The following ITSN2 variants were observed in gnomAD, a reference collection of about 807,000 sequenced individuals.
The protein encoded by ITSN2 is intersectin-2.
ITSN2 carries 156 observed loss-of-function variants against 243.7 expected under a neutral mutation model. That is an observed-to-expected ratio of 0.64 (90% confidence interval 0.56 to 0.73). ITSN2 has a LOEUF of 0.73. Ranked by LOEUF, ITSN2 falls within the 30% of genes least tolerant of loss-of-function variation. The pLI, the probability that ITSN2 is intolerant of heterozygous loss-of-function variation, is 0.00. For synonymous variants in ITSN2, 703 were observed against 699.9 expected (o/e 1.00, Z -0.07); for missense variants, 1,801 against 1,996.1 (o/e 0.90, Z 1.86).
chr2:24,235,321 G>T (rs1040676311), intron 29 of ITSN2, among the ~76,000 whole-genome samples: 2 of 152,178 alleles, frequency 1.3e-5, no homozygotes, highest in Non-Finnish European at 2.9e-5. Context: ...GGTTGCCAGG[G>T]GATGGGAGGG....
intron 15 of ITSN2, among the ~76,000 whole-genome samples, chr2:24,289,351 T>C (rs1679944088): frequency 6.6e-6 from 1 of 152,228 alleles, no homozygotes; most frequent in African/African-American, 2.4e-5. Flanking sequence ...TCCTAAGTAT[T>C]TAATTATTTT....
chr2:24,204,195 A>G lies in ITSN2; in HGVS notation c.4936+50T>C. ...GAAGCCCCTAGATCTGGACTCCAGG[A>G]TCTAGGAAACTGGGAAAGCCTTTAG... On this transcript the variant is annotated intron_variant, in intron 39 of 39. Transcript: ENST00000355123. The surrounding 1 kb of genome is among the most constrained non-coding windows in gnomAD (Gnocchi z 5.1). 3.1e-6 allele frequency: 5 copies of G among 1,590,342 alleles called. No homozygotes were observed. The African/African-American group carries it at 4.0e-5, about 13-fold the overall frequency.
At chr2:24,328,156 G>C in intron 1 of ITSN2, 41 bp from the exon 2 acceptor site, 1 of 1,479,296 alleles carries the variant, frequency 6.8e-7, no homozygotes, top group Admixed American at 1.7e-5. Context: ...ATACAACAAG[G>C]GCAAATCACA....
At chr2:24,212,451 C>T (rs1669575907) in intron 33 of ITSN2, among the ~76,000 whole-genome samples, 199 bp downstream of exon 33, 1 of 152,108 alleles carries the variant, frequency 6.6e-6, no homozygotes, top group Admixed American at 6.5e-5. Flanking sequence ...TCTGATTTGC[C>T]CACTTCAAGG....
chr2:24,302,128 CTT>C (rs1200135591), intron 9 of ITSN2, 26 bp from the exon 10 acceptor site: 2 of 1,561,348 alleles, frequency 1.3e-6, no homozygotes, highest in Non-Finnish European at 1.7e-6. Context: ...AAATTCACAA[CTT>C]AATAAAGTCT....
chr2:24,221,099 C>A, intron 29 of ITSN2, 33 bp from the exon 30 acceptor site: 1 of 1,586,456 alleles, frequency 6.3e-7, no homozygotes, highest in Admixed American at 1.9e-5. Flanking sequence ...TAAAATATTA[C>A]TTTAGTCAAC....
At chr2:24,328,603 C>T (rs1685426113) in intron 1 of ITSN2, among the ~76,000 whole-genome samples, 1 of 151,988 alleles carries the variant, frequency 6.6e-6, no homozygotes, top group African/African-American at 2.4e-5. Flanking sequence ...GCTGGGACTA[C>T]AGGAATGCTC....
At chr2:24,311,921 T>C (rs1416211745) in intron 5 of ITSN2, among the ~76,000 whole-genome samples, 1 of 152,196 alleles carries the variant, frequency 6.6e-6, no homozygotes, top group East Asian at 1.9e-4. Flanking sequence ...GGATTGGCTA[T>C]ACCTAGGGAG....
At chr2:24,358,958 C>G (rs1454677511) in intron 1 of ITSN2, among the ~76,000 whole-genome samples, 1 of 152,184 alleles carries the variant, frequency 6.6e-6, no homozygotes, top group South Asian at 2.1e-4. Flanking sequence ...TGAAAAAATG[C>G]AAGCTTTTCA....
Position 24,292,692 on chromosome 2 carries a change from C to CT in ITSN2, c.1723+995dup, listed in dbSNP as rs1245565759. On this transcript the variant is annotated intron_variant, in intron 15 of 39. Coordinates refer to ENST00000355123, the MANE Select transcript of ITSN2 (RefSeq NM_006277.3). The stretch of plus-strand genomic sequence containing the variant: ...CTCCTAAGCCCTCACTCTCTAGAGA[C>CT]TTAACTGCCCACAGGAAACCTGCAT... 2.0e-5 allele frequency among the ~76,000 whole-genome samples: 3 copies of CT among 152,296 alleles called. No individual in the cohort carries two copies. The East Asian group carries it at 5.8e-4, about 29-fold the overall frequency.
At chr2:24,330,699 G>T in intron 1 of ITSN2, 1 of 681,856 alleles carries the variant, frequency 1.5e-6, no homozygotes. Flanking sequence ...TTATAACTGT[G>T]TACTTCTGGT....
At chr2:24,337,498 G>A (rs1304755253) in intron 1 of ITSN2, among the ~76,000 whole-genome samples, 3 of 148,794 alleles carry the variant, frequency 2.0e-5, no homozygotes, top group South Asian at 2.1e-4. Flanking sequence ...TTACAGGCGC[G>A]CACCACCATG....
rs1198537973 is a variant in ITSN2 at position 24,329,240 on chromosome 2, T to C, written c.-33-1125A>G. On this transcript the variant is annotated intron_variant, in intron 1 of 39. Coordinates refer to ENST00000355123, the MANE Select transcript of ITSN2 (RefSeq NM_006277.3). ...TTCAAAAATTGTTCCATGAATCTTT[T>C]TGTGGGTCTGTTTTTTTTTTTGTTT... is the stretch of plus-strand genomic sequence containing the variant. Among the ~76,000 whole-genome samples, 3 of 114,512 alleles carry C rather than the reference T, an allele frequency of 2.6e-5. No homozygotes were observed. In the East Asian group the frequency reaches 7.7e-4, roughly 29 times the overall value. 75.1% of individuals were successfully genotyped at this position (114,512 alleles called of 152,430 possible). A position where few individuals can be genotyped will look rare whatever the true frequency, so the allele number is the denominator to read the frequency against.
intron 31 of ITSN2, 123 bp from the exon 32 acceptor site, chr2:24,216,355 G>C: frequency 1.3e-6 from 1 of 769,710 alleles, no homozygotes; most frequent in South Asian, 2.7e-5. Flanking sequence ...TCTGGCACTG[G>C]GAAGGAGAAC....
intron 7 of ITSN2, among the ~76,000 whole-genome samples, chr2:24,309,600 C>T (rs1435118577): frequency 6.6e-6 from 1 of 152,222 alleles, no homozygotes; most frequent in Non-Finnish European, 1.5e-5. Flanking sequence ...CTCCATGAGA[C>T]TACCGCATAT....
chr2:24,270,815 C>G, intron 19 of ITSN2, 47 bp from the exon 20 acceptor site: 1 of 984,018 alleles, frequency 1.0e-6, no homozygotes, highest in South Asian at 1.4e-5. Context: ...ATGTATACAT[C>G]TTTGCTATGA....
chr2:24,298,284 A>G (rs1194862168), intron 13 of ITSN2, among the ~76,000 whole-genome samples: 1 of 152,162 alleles, frequency 6.6e-6, no homozygotes, highest in Non-Finnish European at 1.5e-5. Flanking sequence ...CAGTGTCCCA[A>G]GTAGCTGGGA....
chr2:24,311,847 C>T (rs2151744641), intron 5 of ITSN2, among the ~76,000 whole-genome samples: 1 of 152,254 alleles, frequency 6.6e-6, no homozygotes. Context: ...TTTAAAACTG[C>T]TCAAAATTTT....
intron 1 of ITSN2, among the ~76,000 whole-genome samples, chr2:24,336,409 T>C (rs926162143): frequency 5.3e-5 from 8 of 152,204 alleles, no homozygotes; most frequent in African/African-American, 1.9e-4. Flanking sequence ...CTTTCCTGCT[T>C]AGAAAATCTT....
Sources: allele counts gnomAD v4.1 joint callset (sites outside exome capture counted in the v4.1 genomes callset), GRCh38; gene constraint gnomAD v4.1.1; non-coding constraint Gnocchi (gnomAD v3.1); transcripts MANE v1.5; gene names NCBI Gene and HGNC (gene_info 2026-07-23, HGNC 2026-07-21).